Variants in WWOX observed in about 807,000 individuals in gnomAD.
The protein encoded by WWOX is WW domain-containing oxidoreductase.
Under a neutral mutation model 46.2 loss-of-function variants are expected in WWOX, and 69 were observed. The ratio of observed to expected loss-of-function variants is 1.49; its 90% CI spans 1.23 to 1.82. The LOEUF is 1.82. Ranked by LOEUF, WWOX falls within the 40% of genes most tolerant of loss-of-function variation. The pLI, the probability that WWOX is intolerant of heterozygous loss-of-function variation, is 0.00. For missense variants in WWOX, 919 were observed against 542.6 expected (o/e 1.69, Z -6.89); for synonymous variants, 359 against 202.6 (o/e 1.77, Z -6.56).
intron 8 of WWOX, among the ~76,000 whole-genome samples, chr16:79,030,494 A>G (rs2047731425): frequency 6.6e-6 from 1 of 152,216 alleles, no homozygotes; most frequent in Non-Finnish European, 1.5e-5. Flanking sequence ...AGGTTCCCAC[A>G]GAAACTCTGC....
At chr16:78,361,485 C>T (rs545257292) in intron 5 of WWOX, among the ~76,000 whole-genome samples, 1 of 152,262 alleles carries the variant, frequency 6.6e-6, no homozygotes, top group African/African-American at 2.4e-5. Flanking sequence ...ATTGTTGGAT[C>T]TTGCCTGCAG....
chr16:78,270,000 A>AT (rs2079443348), intron 5 of WWOX, among the ~76,000 whole-genome samples: 2 of 143,186 alleles, frequency 1.4e-5, no homozygotes, highest in African/African-American at 5.3e-5. Flanking sequence ...TTCTGTTTTT[A>AT]ACTAAAGATA....
Position 78,862,935 on chromosome 16 carries a change from T to G in WWOX, c.1057-348673T>G, listed in dbSNP as rs556882259. Reference sequence around the variant, plus strand: ...GCCCAGTCAAGTGGACACATACAATTAGACATCATGGTGGTTATGCCAAGT... The same window carrying G: ...GCCCAGTCAAGTGGACACATACAATGAGACATCATGGTGGTTATGCCAAGT... On this transcript the variant is annotated intron_variant, in intron 8 of 8. Transcript: ENST00000566780. 4.0e-5 allele frequency among the ~76,000 whole-genome samples: 6 copies of G among 151,800 alleles called. No individual in the cohort carries two copies. In the South Asian group the frequency reaches 8.3e-4, roughly 21 times the overall value.
intron 6 of WWOX, among the ~76,000 whole-genome samples, chr16:78,422,832 TATATATACATATACACACACACAC>T (rs2082977422): frequency 9.1e-6 from 1 of 110,162 alleles, no homozygotes; most frequent in African/African-American, 4.1e-5. Flanking sequence ...CACACATATA[TATATATACATATACACACACACAC>T]ACACACACAC....
chr16:79,167,429 C>G (rs1234880761), intron 8 of WWOX, among the ~76,000 whole-genome samples: 1 of 152,048 alleles, frequency 6.6e-6, no homozygotes, highest in Non-Finnish European at 1.5e-5. Context: ...GCTCAGATGG[C>G]TCTGACCTTG....
At chr16:78,413,086 G>T (rs1397466885) in intron 6 of WWOX, among the ~76,000 whole-genome samples, 3 of 152,178 alleles carry the variant, frequency 2.0e-5, no homozygotes, top group African/African-American at 7.2e-5. Context: ...CTGCTAGCTG[G>T]ACAGAGCTGA....
intron 5 of WWOX, among the ~76,000 whole-genome samples, chr16:78,318,841 C>T (rs1336223121): frequency 6.6e-6 from 1 of 152,142 alleles, no homozygotes; most frequent in African/African-American, 2.4e-5. Flanking sequence ...AACTACAGTA[C>T]AGGATCCAAA....
At chr16:78,326,278 T>A (rs1050551432) in intron 5 of WWOX, among the ~76,000 whole-genome samples, 18 of 152,200 alleles carry the variant, frequency 1.2e-4, no homozygotes, top group African/African-American at 4.3e-4. Context: ...TGCTTTATGT[T>A]AAGTGTGCAT....
intron 5 of WWOX, among the ~76,000 whole-genome samples, chr16:78,232,851 CTTTTT>C (rs1329677096): frequency 6.6e-6 from 1 of 150,852 alleles, no homozygotes; most frequent in African/African-American, 2.4e-5. Flanking sequence ...CTTTTCTTTT[CTTTTT>C]TTTTAAGATG....
At chr16:78,144,085 A>G (rs2034081624) in intron 4 of WWOX, among the ~76,000 whole-genome samples, 1 of 152,030 alleles carries the variant, frequency 6.6e-6, no homozygotes, top group African/African-American at 2.4e-5. Flanking sequence ...TCTGTAAGAA[A>G]TTTTCCACCT....
intron 5 of WWOX, among the ~76,000 whole-genome samples, chr16:78,318,045 A>G (rs75739798): frequency 9.2e-5 from 14 of 152,244 alleles, no homozygotes; most frequent in African/African-American, 3.4e-4. Context: ...CTGGAGCACA[A>G]AAGATCCAGG....
chr16:78,408,391 T>G (rs185671524), intron 6 of WWOX, among the ~76,000 whole-genome samples: 2 of 152,266 alleles, frequency 1.3e-5, no homozygotes. Context: ...ATGGGGCAAC[T>G]TTACTGCCTT....
At chr16:78,835,143 A>T (rs184648654) in intron 8 of WWOX, among the ~76,000 whole-genome samples, 84 of 152,264 alleles carry the variant, frequency 5.5e-4, no homozygotes, top group African/African-American at 1.9e-3. Context: ...AATCCAGTGT[A>T]TCTTGCTCCG....
intron 8 of WWOX, among the ~76,000 whole-genome samples, chr16:79,190,020 C>A (rs428420): frequency 2.6e-5 from 4 of 151,536 alleles, no homozygotes; most frequent in African/African-American, 7.3e-5. Flanking sequence ...TTCATAACGC[C>A]TTGTTTTTTA....
chr16:78,665,221 G>T (rs2047303085), intron 8 of WWOX, among the ~76,000 whole-genome samples: 1 of 152,134 alleles, frequency 6.6e-6, no homozygotes, highest in South Asian at 2.1e-4. Flanking sequence ...CGGGCTTCTG[G>T]AGTCACGGGC....
intron 8 of WWOX, among the ~76,000 whole-genome samples, chr16:78,684,741 G>T (rs867030922): frequency 2.0e-5 from 3 of 152,100 alleles, no homozygotes; most frequent in Admixed American, 1.3e-4. Context: ...TTAGTGGGAC[G>T]CATCATACTG....
intron 8 of WWOX, among the ~76,000 whole-genome samples, chr16:78,689,577 C>T (rs2047939521): frequency 6.6e-6 from 1 of 152,206 alleles, no homozygotes; most frequent in Non-Finnish European, 1.5e-5. Flanking sequence ...CTTCACCCTT[C>T]ATGTCTGATC....
rs923431104 is a variant in WWOX at position 79,007,142 on chromosome 16, C to G, written c.1057-204466C>G. ...AAATGACACAGACAAGATCCTTGCACTTCCAAAACTTATGTTCCAGTGAGG... is the reference window on the plus strand; with the variant it reads ...AAATGACACAGACAAGATCCTTGCAGTTCCAAAACTTATGTTCCAGTGAGG... On this transcript the variant is annotated intron_variant, in intron 8 of 8. Transcript: ENST00000566780. 2.6e-5 allele frequency among the ~76,000 whole-genome samples: 4 copies of G among 152,180 alleles called. No homozygotes were observed. The East Asian group carries it at 5.8e-4, about 22-fold the overall frequency.
intron 8 of WWOX, among the ~76,000 whole-genome samples, chr16:78,555,985 G>A (rs1444641412): frequency 6.6e-6 from 1 of 152,104 alleles, no homozygotes; most frequent in Admixed American, 6.6e-5. Flanking sequence ...GTCATGGAGG[G>A]GAGGAAGGGA....
Sources: allele counts gnomAD v4.1 joint callset (sites outside exome capture counted in the v4.1 genomes callset), GRCh38; gene constraint gnomAD v4.1.1; transcripts MANE v1.5; gene names NCBI Gene and HGNC (gene_info 2026-07-23, HGNC 2026-07-21).